The following TMEM161B variants were observed in gnomAD, a reference collection of about 807,000 sequenced individuals.
TMEM161B encodes the protein transmembrane protein 161B.
Under a neutral mutation model 61.8 loss-of-function variants are expected in TMEM161B, and 34 were observed. The observed-to-expected ratio is 0.55, with a 90% confidence interval of 0.42 to 0.73. The LOEUF (loss-of-function observed/expected upper bound fraction) is 0.73, where lower values mean the gene tolerates loss of function less well. TMEM161B is among the 30% of genes least tolerant of loss of function. The probability of loss-of-function intolerance (pLI) is 0.00; values close to 1 mark genes in which losing one functional copy is unlikely to be tolerated. For missense variants in TMEM161B, 456 were observed against 558.5 expected, an observed-to-expected ratio of 0.82 and a Z score of 1.85; for synonymous variants, 167 against 192.8, an observed-to-expected ratio of 0.87 and a Z score of 1.11.
Position 88,205,966 on chromosome 5 carries a change from A to G in TMEM161B, c.660-12T>C, listed in dbSNP as rs373537880. 1.9e-5 allele frequency: 29 copies of G among 1,559,518 alleles called. No individual in the cohort carries two copies. Among genetic ancestry groups the G allele is most frequent in the Non-Finnish European group, 2.5e-5 (29 of 1,151,976 alleles). On this transcript the variant is annotated splice_polypyrimidine_tract_variant and intron_variant, in intron 7 of 11. Coordinates refer to ENST00000296595, the MANE Select transcript of TMEM161B (RefSeq NM_153354.5). ...TTGAAACAGGACTCCTAAAAATAAA[A>G]TTTTTTAAAAAGCTGATAAATTTTT...
intron 1 of TMEM161B, among the ~76,000 whole-genome samples, chr5:88,266,105 G>A (rs1756341911): frequency 6.6e-6 from 1 of 152,212 alleles, no homozygotes; most frequent in Non-Finnish European, 1.5e-5. Context: ...AGTATTTTCA[G>A]TCTGGATCAT....
downstream of TMEM161B, among the ~76,000 whole-genome samples, chr5:88,192,092 A>G (rs576409767): frequency 1.9e-4 from 27 of 140,250 alleles, no homozygotes; most frequent in Non-Finnish European, 3.8e-4. Context: ...AACTATAGAC[A>G]GAAATGGGAT....
At chr5:88,265,804 T>C (rs944552598) in intron 1 of TMEM161B, among the ~76,000 whole-genome samples, 22 of 152,174 alleles carry the variant, frequency 1.4e-4, no homozygotes, top group Admixed American at 1.4e-3. Context: ...AACCTCCCCA[T>C]GGCCTACTCT....
intron 1 of TMEM161B, among the ~76,000 whole-genome samples, chr5:88,241,993 T>A (rs1752828252): frequency 6.6e-6 from 1 of 151,774 alleles, no homozygotes; most frequent in South Asian, 2.1e-4. Context: ...GAGCCCACTT[T>A]CTTTGATTTT....
chr5:88,199,281 T>C, intron 9 of TMEM161B, 131 bp from the exon 10 acceptor site: 1 of 816,190 alleles, frequency 1.2e-6, no homozygotes, highest in Non-Finnish European at 1.9e-6. Context: ...TAAAAGAATC[T>C]GACTCTGCCA....
intron 2 of TMEM161B, among the ~76,000 whole-genome samples, chr5:88,234,436 A>C (rs247916): frequency 0.28 from 43,062 of 152,090 alleles, 7,326 homozygotes; most frequent in African/African-American, 0.47. Context: ...GTGATCATAG[A>C]TTCCAAGTAA....
intron 3 of TMEM161B, among the ~76,000 whole-genome samples, chr5:88,227,756 G>T (rs2112574439): frequency 6.6e-6 from 1 of 152,320 alleles, no homozygotes; most frequent in South Asian, 2.1e-4. Context: ...GGGGACCTAA[G>T]AAGTCCTCCT....
chr5:88,215,366 TAACTAAAGATAA>T (rs1330428194), intron 5 of TMEM161B, among the ~76,000 whole-genome samples: 1 of 152,222 alleles, frequency 6.6e-6, no homozygotes, highest in Non-Finnish European at 1.5e-5. Context: ...GGTTATGTTA[TAACTAAAGATAA>T]AAGATAGGAT....
intron 5 of TMEM161B, among the ~76,000 whole-genome samples, chr5:88,219,408 CAAG>C (rs1361808101): frequency 2.6e-5 from 4 of 151,796 alleles, no homozygotes; most frequent in Admixed American, 6.6e-5. Context: ...CAGAGAAGAG[CAAG>C]AAGAAGTTGC....
chr5:88,196,110 TCCC>T lies in TMEM161B; in HGVS notation c.*98_*100del. ...AAGACATTCTGATATGTTTTTTTTT[TCCC>T]ATTGTATTTGCTTTCTTCTGGTTTT... On this transcript the variant is annotated 3_prime_UTR_variant, in exon 12 of 12. Coordinates refer to ENST00000296595, the MANE Select transcript of TMEM161B (RefSeq NM_153354.5). 2.0e-6 allele frequency: 3 copies of T among 1,468,302 alleles called. No individual in the cohort carries two copies. Among genetic ancestry groups the T allele is most frequent in the African/African-American group, 2.8e-5 (2 of 70,354 alleles). 91.0% of individuals were successfully genotyped at this position (1,468,302 alleles called of 1,614,324 possible). A position where few individuals can be genotyped will look rare whatever the true frequency, so the allele number is the denominator to read the frequency against.
downstream of TMEM161B, among the ~76,000 whole-genome samples, chr5:88,192,847 T>C (rs1749094082): frequency 6.6e-6 from 1 of 152,260 alleles, no homozygotes; most frequent in Admixed American, 6.5e-5. Context: ...TTCAAAATAC[T>C]GAGAATTCAA....
intron 8 of TMEM161B, among the ~76,000 whole-genome samples, chr5:88,205,287 T>G (rs1405622392): frequency 6.6e-6 from 1 of 152,134 alleles, no homozygotes; most frequent in Non-Finnish European, 1.5e-5. Context: ...TATAACATTG[T>G]AGAGTACTAA....
chr5:88,210,689 AT>A (rs1746536557), intron 5 of TMEM161B, among the ~76,000 whole-genome samples: 1 of 152,084 alleles, frequency 6.6e-6, no homozygotes, highest in Non-Finnish European at 1.5e-5. Context: ...CAGGCAGGAG[AT>A]TAAGAGATTC....
At chr5:88,221,593 ATACCCCT>A (rs1219645300) in intron 4 of TMEM161B, 2 of 422,998 alleles carry the variant, frequency 4.7e-6, no homozygotes, top group African/African-American at 4.1e-5. Flanking sequence ...CTATAAAACC[ATACCCCT>A]TCAACAAACT....
At chr5:88,226,742 A>G (rs1750116008) in intron 3 of TMEM161B, among the ~76,000 whole-genome samples, 1 of 152,228 alleles carries the variant, frequency 6.6e-6, no homozygotes, top group South Asian at 2.1e-4. Context: ...AGCAATGTTA[A>G]TGTATCTTTT....
chr5:88,228,387 ATG>A, intron 3 of TMEM161B, 56 bp downstream of exon 3: 1 of 1,252,446 alleles, frequency 8.0e-7, no homozygotes. Context: ...AAGCATAAAA[ATG>A]TATTTATATA....
intron 1 of TMEM161B, among the ~76,000 whole-genome samples, chr5:88,244,767 T>A (rs867809710): frequency 1.3e-5 from 2 of 152,044 alleles, no homozygotes; most frequent in Middle Eastern, 6.8e-3. Flanking sequence ...ATTCTTCCTA[T>A]CCAAGAGCAT....
Position 88,268,793 on chromosome 5 carries a change from G to A in TMEM161B, c.-70C>T. The stretch of plus-strand genomic sequence containing the variant: ...GGCAGTCCCAAACCTCTTACCTCCC[G>A]GTCCTTGAGCCGAGAGACTCTCAAA... On this transcript the variant is annotated 5_prime_UTR_variant, in exon 1 of 12. Coordinates refer to ENST00000296595, the MANE Select transcript of TMEM161B (RefSeq NM_153354.5). 6.2e-7 allele frequency: 1 copy of A among 1,612,042 alleles called. No individual in the cohort carries two copies. The highest frequency in any genetic ancestry group is 8.5e-7 in the Non-Finnish European group (1 of 1,178,802).
intron 4 of TMEM161B, chr5:88,221,564 TA>T: frequency 2.7e-6 from 1 of 374,306 alleles, no homozygotes; most frequent in East Asian, 7.3e-5. Flanking sequence ...AAAAAGTTTA[TA>T]AAATGTCTGT....
Sources: gnomAD v4.1 joint callset for allele counts (sites outside exome capture counted in the v4.1 genomes callset) on GRCh38, gnomAD v4.1.1 for gene constraint, MANE v1.5 for transcripts, NCBI Gene and HGNC (gene_info 2026-07-23, HGNC 2026-07-21) for gene names.